Variants in BANK1 observed in about 807,000 individuals in gnomAD.
BANK1 encodes the protein B-cell scaffold protein with ankyrin repeats.
In BANK1, 95 loss-of-function variants were observed where a neutral mutation model predicts 94.5. The observed-to-expected ratio is 1.00, with a 90% CI of 0.85 to 1.19. BANK1 has a LOEUF of 1.19. Ranked by LOEUF, BANK1 falls within the 50% of genes most tolerant of loss-of-function variation. The probability of loss-of-function intolerance (pLI) is 0.00; values close to 1 mark genes in which losing one functional copy is unlikely to be tolerated. For synonymous variants in BANK1, 334 were observed against 308.4 expected, an observed-to-expected ratio of 1.08 and a Z score of -0.87; for missense variants, 987 against 932.2, an observed-to-expected ratio of 1.06 and a Z score of -0.77.
chr4:101,974,938 C>T (rs1247992760), intron 7 of BANK1, among the ~76,000 whole-genome samples: 2 of 152,082 alleles, frequency 1.3e-5, no homozygotes, highest in African/African-American at 2.4e-5. Context: ...GCCTGAGCAA[C>T]AAGAGTGAAA....
chr4:101,991,872 G>A (rs1023013895), intron 7 of BANK1, among the ~76,000 whole-genome samples: 2 of 152,118 alleles, frequency 1.3e-5, no homozygotes, highest in Non-Finnish European at 1.5e-5. Flanking sequence ...CTTTCTCATC[G>A]CAGACCTAGT....
chr4:101,916,433 T>C (rs1433829998), intron 6 of BANK1, among the ~76,000 whole-genome samples: 3 of 152,056 alleles, frequency 2.0e-5, no homozygotes, highest in African/African-American at 4.8e-5. Flanking sequence ...GTTTTAATAC[T>C]CATCTTACTG....
intron 7 of BANK1, among the ~76,000 whole-genome samples, chr4:101,982,572 C>G (rs1296707219): frequency 1.3e-5 from 2 of 151,906 alleles, no homozygotes; most frequent in African/African-American, 4.8e-5. Context: ...CAATCAATAA[C>G]TTTTTAAAGC....
intron 7 of BANK1, among the ~76,000 whole-genome samples, chr4:101,995,055 C>T (rs911971459): frequency 5.3e-5 from 8 of 152,194 alleles, no homozygotes; most frequent in Admixed American, 3.3e-4. Flanking sequence ...CCCATCAACC[C>T]GTCATCTACA....
At chr4:101,824,539 CA>C (rs1726291513) in intron 1 of BANK1, among the ~76,000 whole-genome samples, 1 of 151,982 alleles carries the variant, frequency 6.6e-6, no homozygotes, top group Admixed American at 6.6e-5. Context: ...AATAACAGTA[CA>C]AAGTTGGAAT....
At chr4:101,872,046 A>T (rs1384063355) in intron 5 of BANK1, among the ~76,000 whole-genome samples, 1 of 152,098 alleles carries the variant, frequency 6.6e-6, no homozygotes, top group Non-Finnish European at 1.5e-5. Flanking sequence ...ACTGGAAATG[A>T]GGGGAAAGAA....
At chr4:101,985,469 T>A (rs1271430285) in intron 7 of BANK1, among the ~76,000 whole-genome samples, 2 of 152,136 alleles carry the variant, frequency 1.3e-5, no homozygotes, top group African/African-American at 4.8e-5. Flanking sequence ...TTTTTTTAAT[T>A]TAGTTTTCAA....
At chr4:102,007,080 A>ATATAT (rs1560681940) in intron 7 of BANK1, among the ~76,000 whole-genome samples, 3,323 of 108,124 alleles carry the variant, frequency 0.031, 288 homozygotes, top group Non-Finnish European at 0.043. Context: ...ATATATATAT[A>ATATAT]AATATATATA....
Position 101,790,911 on chromosome 4 carries a change from G to GGGAGCCC in BANK1, c.35_41dup (p.Asp14GlufsTer23). ...GCCAGCAGCGCCAGGCAAGGGGCTT[G>GGGAGCCC]GGAGCCCGGACCCCGCCCCCTGCGG... is the stretch of plus-strand genomic sequence containing the variant. On this transcript the variant is annotated frameshift_variant, in exon 1 of 17. Transcript: ENST00000322953. LOFTEE classifies it high-confidence loss of function. 6.5e-7 allele frequency: 1 copy of GGGAGCCC among 1,538,386 alleles called. No individual in the cohort carries two copies. Among genetic ancestry groups the GGGAGCCC allele is most frequent in the Non-Finnish European group, 8.7e-7 (1 of 1,147,032 alleles).
chr4:102,045,363 C>T (rs997325870), intron 11 of BANK1, among the ~76,000 whole-genome samples: 1 of 152,086 alleles, frequency 6.6e-6, no homozygotes, highest in African/African-American at 2.4e-5. Context: ...TGGAAGCATT[C>T]CCTTTGAAAA....
At chr4:101,875,169 T>C (rs1728442270) in intron 5 of BANK1, among the ~76,000 whole-genome samples, 3 of 151,850 alleles carry the variant, frequency 2.0e-5, no homozygotes, top group Admixed American at 2.0e-4. Context: ...GAGTCAACAA[T>C]GCCAACCTTC....
chr4:101,984,075 G>C (rs1578436183), intron 7 of BANK1, among the ~76,000 whole-genome samples: 1 of 151,988 alleles, frequency 6.6e-6, no homozygotes, highest in Non-Finnish European at 1.5e-5. Context: ...AATGCATCTA[G>C]TGTAGATAAG....
chr4:102,035,607 C>G (rs1727477491), intron 10 of BANK1, among the ~76,000 whole-genome samples: 2 of 149,592 alleles, frequency 1.3e-5, no homozygotes, highest in Admixed American at 1.3e-4. Flanking sequence ...GAGATCGCGC[C>G]ACTGCACTCC....
intron 6 of BANK1, 74 bp from the exon 7 acceptor site, chr4:101,917,919 G>C (rs544009164): frequency 9.4e-7 from 1 of 1,066,074 alleles, no homozygotes; most frequent in East Asian, 2.4e-5. Context: ...TTTAGGAGCA[G>C]ATTGTGTTAG....
chr4:101,946,196 TA>T (rs921081341), intron 7 of BANK1, among the ~76,000 whole-genome samples: 105 of 152,050 alleles, frequency 6.9e-4, no homozygotes, highest in African/African-American at 2.4e-3. Flanking sequence ...AGATCTTTTA[TA>T]AAGAAATGAA....
At chr4:102,054,483 C>T (rs1728161637) in intron 11 of BANK1, among the ~76,000 whole-genome samples, 1 of 152,172 alleles carries the variant, frequency 6.6e-6, no homozygotes, top group South Asian at 2.1e-4. Flanking sequence ...GAGCCCTCAT[C>T]TACCTGGCTC....
chr4:101,902,081 C>T (rs1722307624), intron 6 of BANK1, among the ~76,000 whole-genome samples: 1 of 152,180 alleles, frequency 6.6e-6, no homozygotes, highest in South Asian at 2.1e-4. Context: ...AATTTTACAC[C>T]ATTCCTATCT....
intron 6 of BANK1, among the ~76,000 whole-genome samples, chr4:101,901,203 A>G (rs1722270696): frequency 6.6e-6 from 1 of 152,208 alleles, no homozygotes; most frequent in Non-Finnish European, 1.5e-5. Context: ...ACTCAGTACC[A>G]ATAGGTATTA....
intron 12 of BANK1, 79 bp downstream of exon 12, chr4:102,060,468 G>T (rs1391939824): frequency 2.1e-6 from 3 of 1,436,500 alleles, no homozygotes; most frequent in Non-Finnish European, 2.8e-6. Context: ...TTTTCATGAG[G>T]AATACAGGTA....
Sources: gnomAD v4.1 joint callset for allele counts (sites outside exome capture counted in the v4.1 genomes callset) on GRCh38, gnomAD v4.1.1 for gene constraint, MANE v1.5 for transcripts, NCBI Gene and HGNC (gene_info 2026-07-23, HGNC 2026-07-21) for gene names.